Variants in NAV1 observed in about 807,000 individuals in gnomAD.
NAV1 encodes the protein pore membrane and/or filament interacting like protein 3.
Under a neutral mutation model 175.2 loss-of-function variants are expected in NAV1, and 18 were observed. The ratio of observed to expected loss-of-function variants is 0.10; its 90% CI spans 0.07 to 0.15. The LOEUF (loss-of-function observed/expected upper bound fraction) is 0.15, where lower values mean the gene tolerates loss of function less well. NAV1 is among the 10% of genes least tolerant of loss of function. NAV1 has a pLI of 1.00. For missense variants in NAV1, 1,731 were observed against 2,436.6 expected (o/e 0.71, Z 6.10); for synonymous variants, 897 against 978.7 (o/e 0.92, Z 1.56).
At chr1:201,640,924 C>A (rs1668735009) in intron 2 of NAV1, among the ~76,000 whole-genome samples, 3 of 152,198 alleles carry the variant, frequency 2.0e-5, no homozygotes, top group Admixed American at 6.5e-5. Flanking sequence ...GAAGATGAAT[C>A]CTTGGGAAGC....
chr1:201,664,467 A>C (rs76980509), intron 1 of NAV1, among the ~76,000 whole-genome samples: 3,386 of 152,332 alleles, frequency 0.022, 137 homozygotes, highest in African/African-American at 0.076. Flanking sequence ...TCTGTCTCAT[A>C]GGATTGCTAT....
chr1:201,696,776 C>T (rs1281426001), intron 1 of NAV1, among the ~76,000 whole-genome samples: 1 of 152,204 alleles, frequency 6.6e-6, no homozygotes, highest in Non-Finnish European at 1.5e-5. Context: ...CCCTACCCTA[C>T]AAGCCGTGTG....
At chr1:201,624,854 T>C (rs537606970) in intron 1 of NAV1, among the ~76,000 whole-genome samples, 1 of 152,318 alleles carries the variant, frequency 6.6e-6, no homozygotes, top group East Asian at 1.9e-4. Flanking sequence ...GAAAAGCTTG[T>C]ACATCATCCC....
chr1:201,785,282 CTT>C (rs36061932), intron 7 of NAV1, 26 bp from the exon 12 acceptor site: 237,578 of 1,348,004 alleles, frequency 0.18, 310 homozygotes, highest in South Asian at 0.23. Flanking sequence ...CTCTCTCTCT[CTT>C]TTTTTTTTTT....
At chr1:201,731,886 A>G (rs978357627) in intron 3 of NAV1, among the ~76,000 whole-genome samples, 7 of 152,208 alleles carry the variant, frequency 4.6e-5, no homozygotes, top group Non-Finnish European at 1.0e-4. Flanking sequence ...TCCAAGCCAC[A>G]GCGAGCCTCC....
intron 1 of NAV1, among the ~76,000 whole-genome samples, chr1:201,650,062 C>G (rs997576080): frequency 6.6e-6 from 1 of 152,260 alleles, no homozygotes; most frequent in African/African-American, 2.4e-5. Context: ...GCTCTGGCCC[C>G]AACCCCTACA....
At chr1:201,687,762 G>T (rs1670740565) in intron 1 of NAV1, among the ~76,000 whole-genome samples, 1 of 152,200 alleles carries the variant, frequency 6.6e-6, no homozygotes, top group Non-Finnish European at 1.5e-5. Context: ...TAGTGAACAT[G>T]GTGCCCCACC....
intron 2 of NAV1, among the ~76,000 whole-genome samples, chr1:201,607,032 T>C (rs1472213070): frequency 6.6e-6 from 1 of 152,206 alleles, no homozygotes; most frequent in Non-Finnish European, 1.5e-5. Flanking sequence ...TTTTGGATGT[T>C]TGTCGCACTG....
chr1:201,760,627 T>C (rs1674780432), intron 3 of NAV1, among the ~76,000 whole-genome samples: 1 of 152,194 alleles, frequency 6.6e-6, no homozygotes, highest in South Asian at 2.1e-4. Context: ...TTGCATTCTG[T>C]GGTGAGTTGG....
intron 2 of NAV1, among the ~76,000 whole-genome samples, chr1:201,632,859 G>A (rs1022237527): frequency 1.3e-5 from 2 of 152,192 alleles, no homozygotes; most frequent in African/African-American, 4.8e-5. Context: ...CCATCTTTAA[G>A]CCACAGTGAA....
intron 1 of NAV1, among the ~76,000 whole-genome samples, chr1:201,545,406 A>C (rs759411655): frequency 9.6e-5 from 14 of 145,412 alleles, no homozygotes; most frequent in Non-Finnish European, 1.7e-4. Flanking sequence ...TTTATTTTTT[A>C]TTTGAGACAG....
chr1:201,783,865 G>C lies in NAV1; in HGVS notation c.2804+13G>C. On this transcript the variant is annotated intron_variant, in intron 7 of 29. Coordinates refer to ENST00000367296, the Ensembl canonical transcript of NAV1. ...GGCAACTGGACAGGTAGGTAGAAAA[G>C]ACAGCAGAACCTCGGCCTGTCTCCG... The C allele has an allele frequency of 6.3e-7, 1 of 1,594,244 alleles. No individual in the cohort carries two copies. The highest frequency in any genetic ancestry group is 8.6e-7 in the Non-Finnish European group (1 of 1,168,188).
At position 201,649,267 on chromosome 1, in the gene NAV1, A is replaced by G. The variant is rs200289875; in HGVS notation, c.599A>G (p.Asp200Gly). 3.7e-4 allele frequency: 589 copies of G among 1,613,176 alleles called. 1 individual carries two copies. The highest frequency in any genetic ancestry group is 4.2e-4 in the Non-Finnish European group (491 of 1,179,982). The stretch of plus-strand genomic sequence containing the variant: ...GCCGTGAGCGAAGATGGCAAATCGG[A>G]CGACGAGCTGCTCTCCAGCAAGGCC... Residue 200 changes from aspartate (D) to glycine (G), a missense_variant, in exon 1 of 30, where the codon GAC becomes GGC. This residue lies in a region of NAV1 where 487 missense variants were observed against 581.3 expected (regional missense o/e 0.84). Transcript: ENST00000367296.
intron 1 of NAV1, among the ~76,000 whole-genome samples, chr1:201,681,739 GA>G (rs1397149607): frequency 6.6e-6 from 1 of 152,118 alleles, no homozygotes; most frequent in Non-Finnish European, 1.5e-5. Context: ...TTGGGGGGCC[GA>G]GGGGGGCAGA....
intron 3 of NAV1, among the ~76,000 whole-genome samples, chr1:201,725,286 T>C (rs1053627350): frequency 6.6e-6 from 1 of 152,232 alleles, no homozygotes; most frequent in African/African-American, 2.4e-5. Context: ...CTCTGTTTCC[T>C]GGTAGGTCTT....
chr1:201,739,034 A>G (rs1441263445), intron 3 of NAV1, among the ~76,000 whole-genome samples: 1 of 152,162 alleles, frequency 6.6e-6, no homozygotes, highest in Non-Finnish European at 1.5e-5. Context: ...TGGAACCAGG[A>G]GAGTGAAGTT....
At chr1:201,817,207 C>T (rs1348730614) in exon 29 of NAV1, 1 of 1,614,162 alleles carries the variant, frequency 6.2e-7, no homozygotes, top group African/African-American at 1.3e-5. Context: ...CCACCGTGGG[C>T]CCTCACAGCA....
intron 1 of NAV1, among the ~76,000 whole-genome samples, chr1:201,549,365 C>T (rs1398248784): frequency 2.0e-5 from 3 of 152,072 alleles, no homozygotes; most frequent in African/African-American, 4.8e-5. Flanking sequence ...TGTACCACCA[C>T]GCCTGGCTAA....
chr1:201,799,407 A>G (rs1453159522), intron 15 of NAV1, among the ~76,000 whole-genome samples: 1 of 152,242 alleles, frequency 6.6e-6, no homozygotes, highest in East Asian at 1.9e-4. Flanking sequence ...ACATTCAAAG[A>G]ATCAATGCTT....
Sources: allele counts gnomAD v4.1 joint callset (sites outside exome capture counted in the v4.1 genomes callset), GRCh38; gene constraint gnomAD v4.1.1; regional missense constraint gnomAD v4.1.1; transcripts MANE v1.5; gene names NCBI Gene and HGNC (gene_info 2026-07-23, HGNC 2026-07-21).